RGS7: variants seen among roughly 807,000 people sequenced by gnomAD.
RGS7 encodes regulator of G-protein signaling 7.
RGS7 carries 27 observed loss-of-function variants against 81.1 expected under a neutral mutation model. The ratio of observed to expected loss-of-function variants is 0.33; its 90% CI spans 0.25 to 0.46. The LOEUF (loss-of-function observed/expected upper bound fraction) is 0.46. Among genes scored for constraint, RGS7 ranks in the 20% least tolerant of loss-of-function variants. The pLI is 1.00. For missense variants in RGS7, 396 were observed against 607.4 expected, an observed-to-expected ratio of 0.65 and a Z score of 3.66; for synonymous variants, 208 against 207.7, an observed-to-expected ratio of 1.00 and a Z score of -0.01.
At chr1:241,246,899 C>T (rs572720133) in intron 2 of RGS7, among the ~76,000 whole-genome samples, 3 of 151,960 alleles carry the variant, frequency 2.0e-5, no homozygotes, top group East Asian at 3.9e-4. Flanking sequence ...GTGGCCCTTG[C>T]GCAGAACTGA....
In RGS7 at chr1:241,113,148, C is replaced by A. The variant is rs867984768; in HGVS notation, c.79-14386G>T. Among the ~76,000 whole-genome samples, 6 of 152,150 alleles carry A rather than the reference C, an allele frequency of 3.9e-5. No homozygotes were observed. In the South Asian group the frequency reaches 1.2e-3, roughly 32 times the overall value. On this transcript the variant is annotated intron_variant, in intron 2 of 18. Transcript: ENST00000440928. ...CCAATAACTGGCTCTTTTATATCCA[C>A]CACAATTTTGTTTTCCCCACGAGTG...
At chr1:240,831,630 C>CTTTTTTTTT (rs767275119) in intron 9 of RGS7, among the ~76,000 whole-genome samples, 1 of 135,400 alleles carries the variant, frequency 7.4e-6, no homozygotes. Context: ...TCCAGACATC[C>CTTTTTTTTT]TTTTTTTTTT....
At chr1:241,088,017 TACACAC>T (rs1201357772) in intron 3 of RGS7, among the ~76,000 whole-genome samples, 2 of 115,514 alleles carry the variant, frequency 1.7e-5, no homozygotes, top group African/African-American at 7.5e-5. Context: ...CATATATATA[TACACAC>T]ACACATATAT....
intron 2 of RGS7, among the ~76,000 whole-genome samples, chr1:241,350,596 G>A (rs562331792): frequency 6.1e-4 from 93 of 152,114 alleles, no homozygotes; most frequent in Non-Finnish European, 1.1e-3. Context: ...GACGGATTAA[G>A]AAAACTAAGG....
At chr1:241,278,654 C>T (rs372490682) in intron 2 of RGS7, among the ~76,000 whole-genome samples, 3 of 152,176 alleles carry the variant, frequency 2.0e-5, no homozygotes, top group Non-Finnish European at 4.4e-5. Context: ...CCTTTTCCAC[C>T]AGCCCACACA....
At chr1:241,218,402 T>C (rs1264338671) in intron 2 of RGS7, among the ~76,000 whole-genome samples, 2 of 152,244 alleles carry the variant, frequency 1.3e-5, no homozygotes, top group Non-Finnish European at 2.9e-5. Context: ...TAACGTATTT[T>C]AGAGTATAAT....
chr1:241,010,810 A>G (rs1342076575), intron 3 of RGS7, among the ~76,000 whole-genome samples: 1 of 152,148 alleles, frequency 6.6e-6, no homozygotes, highest in Non-Finnish European at 1.5e-5. Context: ...AACAGGGAGA[A>G]TATGCAGATG....
intron 18 of RGS7, among the ~76,000 whole-genome samples, chr1:240,784,503 G>A (rs1328670984): frequency 1.3e-4 from 19 of 151,024 alleles, no homozygotes; most frequent in Non-Finnish European, 2.2e-4. Context: ...AGAATTAGCC[G>A]GGCGTGGTGG....
At chr1:240,961,985 C>T (rs1168162537) in intron 4 of RGS7, among the ~76,000 whole-genome samples, 2 of 151,998 alleles carry the variant, frequency 1.3e-5, no homozygotes, top group African/African-American at 4.8e-5. Flanking sequence ...AGAATCTGCC[C>T]TTAATTTTGC....
chr1:241,313,901 T>C (rs1473413025), intron 2 of RGS7, among the ~76,000 whole-genome samples: 7 of 152,194 alleles, frequency 4.6e-5, no homozygotes, highest in Admixed American at 4.6e-4. Flanking sequence ...TGGAAGTCAC[T>C]GCAGATGTGG....
intron 2 of RGS7, among the ~76,000 whole-genome samples, chr1:241,304,665 A>G (rs546649409): frequency 6.6e-6 from 1 of 152,348 alleles, no homozygotes; most frequent in East Asian, 1.9e-4. Flanking sequence ...TGAGTTATAT[A>G]CTTAATGCTA....
intron 2 of RGS7, among the ~76,000 whole-genome samples, chr1:241,151,214 C>T (rs994203354): frequency 6.6e-6 from 1 of 152,164 alleles, no homozygotes; most frequent in Non-Finnish European, 1.5e-5. Flanking sequence ...AAGTTGACAC[C>T]TAAAATTAGC....
At chr1:240,919,309 C>G (rs1011915186) in intron 6 of RGS7, among the ~76,000 whole-genome samples, 21 of 152,030 alleles carry the variant, frequency 1.4e-4, no homozygotes, top group Admixed American at 5.9e-4. Context: ...TTCTCATAAA[C>G]ATAGATGCAA....
chr1:241,031,030 A>G (rs185123054), intron 3 of RGS7, among the ~76,000 whole-genome samples: 2 of 152,330 alleles, frequency 1.3e-5, no homozygotes, highest in East Asian at 3.9e-4. Flanking sequence ...GATATATTGC[A>G]TAGTGGTGAA....
chr1:241,078,301 CTGTGTGTGT>C (rs1235263631), intron 3 of RGS7, among the ~76,000 whole-genome samples: 3 of 130,274 alleles, frequency 2.3e-5, no homozygotes, highest in Non-Finnish European at 3.2e-5. Flanking sequence ...CTTCTGGTCT[CTGTGTGTGT>C]GTGTGTGTGT....
chr1:240,789,807 C>T (rs1368052919), intron 18 of RGS7, among the ~76,000 whole-genome samples: 2 of 152,182 alleles, frequency 1.3e-5, no homozygotes, highest in Non-Finnish European at 2.9e-5. Flanking sequence ...TGTGATCTCG[C>T]CCTGCCTCCA....
At chr1:240,930,294 A>G (rs909586832) in intron 6 of RGS7, among the ~76,000 whole-genome samples, 1 of 147,868 alleles carries the variant, frequency 6.8e-6, no homozygotes, top group Admixed American at 6.9e-5. Flanking sequence ...TAAAAATCAT[A>G]GGATACTTCA....
intron 2 of RGS7, among the ~76,000 whole-genome samples, chr1:241,282,388 A>C (rs1281969328): frequency 1.3e-5 from 2 of 152,186 alleles, no homozygotes; most frequent in Admixed American, 1.3e-4. Context: ...TATAGAAATA[A>C]AATTGATTTT....
At chr1:240,800,073 T>C (rs892380676) in intron 18 of RGS7, among the ~76,000 whole-genome samples, 4 of 152,182 alleles carry the variant, frequency 2.6e-5, no homozygotes, top group African/African-American at 9.7e-5. Flanking sequence ...AGCATTACGT[T>C]TGAAAAGGAT....
Sources: allele counts gnomAD v4.1 joint callset (sites outside exome capture counted in the v4.1 genomes callset), GRCh38; gene constraint gnomAD v4.1.1; transcripts MANE v1.5; gene names NCBI Gene and HGNC (gene_info 2026-07-23, HGNC 2026-07-21).